The following SLC6A11 variants were observed in gnomAD, a reference collection of about 807,000 sequenced individuals.
SLC6A11 encodes sodium- and chloride-dependent GABA transporter 3.
In SLC6A11, 25 loss-of-function variants were observed where a neutral mutation model predicts 74.8. The observed-to-expected ratio is 0.33, with a 90% CI of 0.24 to 0.47. The LOEUF is 0.47. Ranked by LOEUF, SLC6A11 falls within the 20% of genes least tolerant of loss-of-function variation. The probability of loss-of-function intolerance (pLI) is 1.00; values close to 1 mark genes in which losing one functional copy is unlikely to be tolerated. For synonymous variants in SLC6A11, 330 were observed against 330.2 expected, an observed-to-expected ratio of 1.00 and a Z score of 0.01; for missense variants, 574 against 837.0, an observed-to-expected ratio of 0.69 and a Z score of 3.88.
chr3:10,868,745 G>C (rs1694793803), intron 5 of SLC6A11, among the ~76,000 whole-genome samples: 1 of 152,216 alleles, frequency 6.6e-6, no homozygotes, highest in African/African-American at 2.4e-5. Flanking sequence ...GCATAGTTCA[G>C]CATAATGCCT....
At chr3:10,933,973 G>C (rs898368048) in intron 11 of SLC6A11, 93 bp from the exon 12 acceptor site, 8 of 799,192 alleles carry the variant, frequency 1.0e-5, no homozygotes, top group African/African-American at 3.4e-5. Flanking sequence ...TCTGTCTCAG[G>C]CTGGAGAAAG....
At chr3:10,937,555 T>G (rs1695773221) in intron 13 of SLC6A11, among the ~76,000 whole-genome samples, 1 of 152,168 alleles carries the variant, frequency 6.6e-6, no homozygotes, top group Admixed American at 6.5e-5. Flanking sequence ...CCTGGAGTCT[T>G]CTCCCAGGAA....
At chr3:10,905,334 C>T (rs999787758) in intron 6 of SLC6A11, among the ~76,000 whole-genome samples, 5 of 152,218 alleles carry the variant, frequency 3.3e-5, no homozygotes, top group Non-Finnish European at 7.3e-5. Context: ...AACCCTCAGG[C>T]CTAATCCTTA....
chr3:10,911,478 A>T (rs1575699597), intron 6 of SLC6A11, among the ~76,000 whole-genome samples: 1 of 151,908 alleles, frequency 6.6e-6, no homozygotes, highest in African/African-American at 2.4e-5. Context: ...AGAGGGGGGG[A>T]GTCTGTTCTG....
At chr3:10,934,467 A>T (rs973408826) in intron 12 of SLC6A11, among the ~76,000 whole-genome samples, 8 of 152,196 alleles carry the variant, frequency 5.3e-5, no homozygotes, top group South Asian at 2.1e-4. Flanking sequence ...GCCGAGGACT[A>T]TGTGGGGAAC....
Position 10,816,299 on chromosome 3 carries a change from G to A in SLC6A11, c.34G>A (p.Gly12Arg). The A allele has an allele frequency of 7.2e-7, 1 of 1,396,428 alleles. No individual in the cohort carries two copies. The highest frequency in any genetic ancestry group is 9.3e-7 in the Non-Finnish European group (1 of 1,076,678). 86.5% of individuals were successfully genotyped at this position (1,396,428 alleles called of 1,614,324 possible). A position where few individuals can be genotyped will look rare whatever the true frequency, so the allele number is the denominator to read the frequency against. ...GGAGAAGGCGCTGCCCCTGGGCAAT[G>A]GGAAGGCTGCTGAGGAGGCGCGGGA... ...TAEKALPLGN[G>R]KAAEEARESE... The change falls in exon 1 of 14, where the codon GGG becomes AGG. Residue 12 changes from glycine to arginine, a missense_variant. Coordinates refer to ENST00000254488, the MANE Select transcript of SLC6A11 (RefSeq NM_014229.3). This position sits in a 1 kb window ranked among gnomAD's most constrained non-coding sequence, Gnocchi z 4.2.
intron 6 of SLC6A11, among the ~76,000 whole-genome samples, chr3:10,900,996 G>C (rs116315894): frequency 1.3e-5 from 2 of 152,144 alleles, no homozygotes; most frequent in African/African-American, 4.8e-5. Context: ...AGAGAGTGGG[G>C]GCTGGTGGGT....
rs1216842127 is a variant in SLC6A11 at position 10,926,395 on chromosome 3, C to T, written c.1233+279C>T. Among the ~76,000 whole-genome samples, 2 of 152,214 alleles carry T rather than the reference C, an allele frequency of 1.3e-5. No individual in the cohort carries two copies. The highest frequency in any genetic ancestry group is 4.8e-5 in the African/African-American group (2 of 41,452). The stretch of plus-strand genomic sequence containing the variant: ...TTTCCTTACCGGAATTCCCAACTCT[C>T]AATTCACATTTAGAAAAATTTGCTA... On this transcript the variant is annotated intron_variant, in intron 9 of 13. Transcript: ENST00000254488. The surrounding 1 kb of genome is among the most constrained non-coding windows in gnomAD (Gnocchi z 5.7).
chr3:10,849,794 C>CAAAAAAAAAAAAAAAAAAAAAAAAAA lies in SLC6A11; in HGVS notation c.756+5451_756+5476dup, dbSNP rs56099322. ...TATCTCTGTGCATACTTGTTGAAGC[C>CAAAAAAAAAAAAAAAAAAAAAAAAAA]AAAAAAAAAAAAAAAAAAAAAAAAA... On this transcript the variant is annotated intron_variant, in intron 5 of 13. Transcript: ENST00000254488. Among the ~76,000 whole-genome samples the CAAAAAAAAAAAAAAAAAAAAAAAAAA allele has an allele frequency of 2.3e-5, 2 of 87,248 alleles. 1 individual carries two copies. Among genetic ancestry groups the CAAAAAAAAAAAAAAAAAAAAAAAAAA allele is most frequent in the African/African-American group, 7.8e-5 (2 of 25,498 alleles). 57.2% of individuals were successfully genotyped at this position (87,248 alleles called of 152,430 possible).
At chr3:10,834,705 G>A (rs553543983) in intron 4 of SLC6A11, among the ~76,000 whole-genome samples, 107 of 152,298 alleles carry the variant, frequency 7.0e-4, no homozygotes, top group Admixed American at 1.0e-3. Flanking sequence ...TGGGGGAGAA[G>A]CGCCAGAGCT....
chr3:10,893,008 G>T (rs1695125924), intron 6 of SLC6A11, among the ~76,000 whole-genome samples: 1 of 152,182 alleles, frequency 6.6e-6, no homozygotes, highest in Admixed American at 6.5e-5. Flanking sequence ...CCTCTCCTAT[G>T]ATGGCTTGCA....
chr3:10,873,685 GTCCCA>G (rs1559567026), intron 5 of SLC6A11, among the ~76,000 whole-genome samples: 2 of 48,042 alleles, frequency 4.2e-5, no homozygotes, highest in Admixed American at 2.1e-4. Flanking sequence ...ATCCTATCCC[GTCCCA>G]TCCTATCCTA....
At chr3:10,910,702 G>A (rs1695374391) in intron 6 of SLC6A11, among the ~76,000 whole-genome samples, 1 of 152,060 alleles carries the variant, frequency 6.6e-6, no homozygotes, top group Non-Finnish European at 1.5e-5. Flanking sequence ...CCATGGACTT[G>A]CATCTGCCAC....
At chr3:10,853,394 C>T (rs965176681) in intron 5 of SLC6A11, among the ~76,000 whole-genome samples, 1 of 152,206 alleles carries the variant, frequency 6.6e-6, no homozygotes, top group African/African-American at 2.4e-5. Flanking sequence ...GGGCAATGGC[C>T]CACTCACCCC....
At chr3:10,854,162 C>T (rs1319999808) in intron 5 of SLC6A11, among the ~76,000 whole-genome samples, 1 of 152,012 alleles carries the variant, frequency 6.6e-6, no homozygotes, top group African/African-American at 2.4e-5. Context: ...CTGAGGCAGG[C>T]GGATCACCTG....
At chr3:10,903,754 T>G (rs114619301) in intron 6 of SLC6A11, among the ~76,000 whole-genome samples, 1,649 of 152,288 alleles carry the variant, frequency 0.011, 21 homozygotes, top group African/African-American at 0.035. Context: ...TCCAGAGTAT[T>G]TCTCAATGCT....
At chr3:10,929,375 G>A in intron 10 of SLC6A11, 36 bp downstream of exon 10, 1 of 1,607,752 alleles carries the variant, frequency 6.2e-7, no homozygotes, top group South Asian at 1.1e-5. Flanking sequence ...GGGGTGAAGT[G>A]GGTGTGTGAC....
rs1336341087 is a variant in SLC6A11 at position 10,918,426 on chromosome 3, G to T, written c.1093G>T (p.Val365Leu). ...VLGFMAYEQG[V>L]PIAEVAESGP... Reference sequence around the variant, plus strand: ...GGGTTTTATGGCGTACGAGCAGGGGGTACCCATTGCTGAGGTGGCAGAGTC... The same window carrying T: ...GGGTTTTATGGCGTACGAGCAGGGGTTACCCATTGCTGAGGTGGCAGAGTC... Residue 365 changes from valine (V) to leucine (L), a missense_variant, in exon 8 of 14, where the codon GTA (valine) becomes TTA (leucine). Physicochemically the swap from Val to Leu is conservative, Grantham distance 32. Around this residue, in one of 4 missense-constraint regions of SLC6A11, gnomAD observed 16 missense variants for 50.1 expected, o/e 0.32. Coordinates refer to ENST00000254488, the MANE Select transcript of SLC6A11 (RefSeq NM_014229.3). This position sits in a 1 kb window ranked among gnomAD's most constrained non-coding sequence, Gnocchi z 4.5. The T allele has an allele frequency of 1.2e-6, 2 of 1,604,902 alleles. No individual in the cohort carries two copies. The highest frequency in any genetic ancestry group is 1.1e-5 in the South Asian group (1 of 89,546).
chr3:10,901,115 T>C (rs1242327643), intron 6 of SLC6A11, among the ~76,000 whole-genome samples: 3 of 152,182 alleles, frequency 2.0e-5, no homozygotes, highest in Non-Finnish European at 4.4e-5. Context: ...TAAACTGTCT[T>C]TCCCTGAGTC....
Sources: allele counts gnomAD v4.1 joint callset (sites outside exome capture counted in the v4.1 genomes callset), GRCh38; gene constraint gnomAD v4.1.1; regional missense constraint gnomAD v4.1.1; non-coding constraint Gnocchi (gnomAD v3.1); transcripts MANE v1.5; gene names NCBI Gene and HGNC (gene_info 2026-07-23, HGNC 2026-07-21).